ANO3: variants seen among roughly 807,000 people sequenced by gnomAD.
The protein encoded by ANO3 is anoctamin 3, also known as anoctamin-3.
ANO3 carries 99 observed loss-of-function variants against 144.8 expected under a neutral mutation model. The observed-to-expected ratio is 0.68, with a 90% confidence interval of 0.58 to 0.81. The LOEUF is 0.81. Among genes scored for constraint, ANO3 ranks in the 30% least tolerant of loss-of-function variants. ANO3 has a pLI of 0.00. For synonymous variants in ANO3, 414 were observed against 392.6 expected (o/e 1.05, Z -0.64); for missense variants, 905 against 1,202.2 (o/e 0.75, Z 3.66).
At chr11:26,532,327 G>A (rs144357095) in intron 8 of ANO3, among the ~76,000 whole-genome samples, 160 of 152,152 alleles carry the variant, frequency 1.1e-3, no homozygotes, top group Non-Finnish European at 2.0e-3. Flanking sequence ...AGAGTTTCAC[G>A]GAAGCTTTTT....
At chr11:26,453,909 A>G (rs1267967584) in intron 3 of ANO3, among the ~76,000 whole-genome samples, 1 of 152,238 alleles carries the variant, frequency 6.6e-6, no homozygotes, top group Non-Finnish European at 1.5e-5. Flanking sequence ...ACTAGAACTC[A>G]GGATTAAGAA....
At chr11:26,252,411 G>A (rs1368572990) in intron 1 of ANO3, among the ~76,000 whole-genome samples, 2 of 152,130 alleles carry the variant, frequency 1.3e-5, no homozygotes, top group Admixed American at 1.3e-4. Context: ...GTTATGCAGT[G>A]AGGCCAGTAA....
intron 1 of ANO3, among the ~76,000 whole-genome samples, chr11:26,292,553 T>A (rs1026400009): frequency 1.3e-5 from 2 of 152,192 alleles, no homozygotes; most frequent in African/African-American, 4.8e-5. Flanking sequence ...GTGGTTTTTA[T>A]CTACCTTTCG....
upstream of ANO3, among the ~76,000 whole-genome samples, chr11:26,331,111 A>T (rs1855027099): frequency 6.6e-6 from 1 of 152,174 alleles, no homozygotes; most frequent in African/African-American, 2.4e-5. Flanking sequence ...TTCAAAAGTT[A>T]CTTCAAAGTG....
At chr11:26,189,218 A>G (rs1230392207) in exon 1 of ANO3, 2 of 985,244 alleles carry the variant, frequency 2.0e-6, no homozygotes, top group Admixed American at 6.2e-5. Context: ...TTTCTCCTGA[A>G]GGCTTCAGAC....
intron 1 of ANO3, among the ~76,000 whole-genome samples, chr11:26,269,567 A>G (rs910434728): frequency 5.9e-5 from 9 of 152,118 alleles, no homozygotes; most frequent in Non-Finnish European, 2.9e-5. Context: ...TTTGACAGTA[A>G]GTGGTTAAAG....
At chr11:26,623,928 A>G (rs1852498323) in intron 17 of ANO3, among the ~76,000 whole-genome samples, 1 of 152,078 alleles carries the variant, frequency 6.6e-6, no homozygotes, top group African/African-American at 2.4e-5. Context: ...CTGGGACTAC[A>G]GGCGCCCGCC....
Position 26,641,934 on chromosome 11 carries a change from G to T in ANO3, c.2180G>T (p.Arg727Leu). Reference protein sequence around the residue: ...QNWWSRHKIKRGIHDASIPQW... With the variant: ...QNWWSRHKIKLGIHDASIPQW... Reference sequence around the variant, plus strand: ...TGGTGGTCACGACATAAAATCAAGCGGGGAATACATGATGCTTCCATACCT... The same window carrying T: ...TGGTGGTCACGACATAAAATCAAGCTGGGAATACATGATGCTTCCATACCT... Residue 727 changes from arginine (R) to leucine (L), a missense_variant, in exon 22 of 27, where the codon CGG (arginine) becomes CTG (leucine). Transcript: ENST00000256737. 6.2e-7 allele frequency: 1 copy of T among 1,613,912 alleles called. No homozygotes were observed. The highest frequency in any genetic ancestry group is 8.5e-7 in the Non-Finnish European group (1 of 1,179,948).
chr11:26,502,282 A>T (rs1459643931), intron 4 of ANO3, among the ~76,000 whole-genome samples: 1 of 152,162 alleles, frequency 6.6e-6, no homozygotes, highest in Admixed American at 6.5e-5. Flanking sequence ...GAAATGAATC[A>T]GTGTTGCGAC....
At chr11:26,221,765 AG>A (rs1405923738) in intron 1 of ANO3, among the ~76,000 whole-genome samples, 3 of 152,132 alleles carry the variant, frequency 2.0e-5, no homozygotes, top group South Asian at 4.1e-4. Context: ...AAGAGAGGAA[AG>A]GGGGAGGTGC....
At chr11:26,659,099 C>CATAT (rs71047873) in intron 26 of ANO3, among the ~76,000 whole-genome samples, 7 of 150,124 alleles carry the variant, frequency 4.7e-5, no homozygotes, top group Admixed American at 1.3e-4. Context: ...CACACACACA[C>CATAT]ATATATATAT....
At chr11:26,561,210 T>C (rs1850277431) in intron 14 of ANO3, 1 of 1,607,242 alleles carries the variant, frequency 6.2e-7, no homozygotes, top group African/African-American at 1.3e-5. Context: ...TTCCGGTGCA[T>C]TGTCTAATCG....
At chr11:26,515,019 A>T (rs953762906) in intron 5 of ANO3, among the ~76,000 whole-genome samples, 2 of 150,054 alleles carry the variant, frequency 1.3e-5, no homozygotes, top group African/African-American at 5.1e-5. Flanking sequence ...TAGTCACTTT[A>T]AAAAAATTAT....
chr11:26,262,447 A>T (rs1257894032), intron 1 of ANO3, among the ~76,000 whole-genome samples: 4 of 152,052 alleles, frequency 2.6e-5, no homozygotes, highest in Admixed American at 1.3e-4. Context: ...ATTAAATTTG[A>T]TGTTATATGT....
intron 14 of ANO3, chr11:26,561,147 T>C (rs1850273668): frequency 3.1e-6 from 5 of 1,612,930 alleles, no homozygotes; most frequent in Non-Finnish European, 4.2e-6. Context: ...CATGGCTGAA[T>C]CATTCAAAGT....
intron 22 of ANO3, among the ~76,000 whole-genome samples, chr11:26,642,327 T>C (rs1853184200): frequency 7.1e-6 from 1 of 140,706 alleles, no homozygotes; most frequent in Non-Finnish European, 1.5e-5. Context: ...TCTTTTCCTT[T>C]TTCTTTCTTT....
intron 1 of ANO3, among the ~76,000 whole-genome samples, chr11:26,321,097 C>T (rs76992507): frequency 0.038 from 5,771 of 152,118 alleles, 381 homozygotes; most frequent in African/African-American, 0.13. Flanking sequence ...ACTGTTTTCT[C>T]ATTTATTACA....
At chr11:26,578,323 T>A (rs1851043104) in intron 14 of ANO3, among the ~76,000 whole-genome samples, 1 of 151,962 alleles carries the variant, frequency 6.6e-6, no homozygotes, top group Non-Finnish European at 1.5e-5. Flanking sequence ...GGAAATATGG[T>A]CCTAAAGCAG....
At chr11:26,257,633 T>C (rs1033664805) in intron 1 of ANO3, among the ~76,000 whole-genome samples, 1 of 152,124 alleles carries the variant, frequency 6.6e-6, no homozygotes, top group Non-Finnish European at 1.5e-5. Flanking sequence ...AAATGCAAGC[T>C]GCTAGGCCCA....
Sources: allele counts gnomAD v4.1 joint callset (sites outside exome capture counted in the v4.1 genomes callset), GRCh38; gene constraint gnomAD v4.1.1; transcripts MANE v1.5; gene names NCBI Gene and HGNC (gene_info 2026-07-23, HGNC 2026-07-21).